Variants in PPP1R13L observed in about 807,000 individuals in gnomAD.
PPP1R13L encodes the protein relA-associated inhibitor.
A neutral mutation model predicts 80.9 loss-of-function variants in PPP1R13L; 50 were observed. That is an observed-to-expected ratio of 0.62 (90% confidence interval 0.49 to 0.78). The LOEUF is 0.78. Ranked by LOEUF, PPP1R13L falls within the 30% of genes least tolerant of loss-of-function variation. The pLI, the probability that PPP1R13L is intolerant of heterozygous loss-of-function variation, is 0.00. For missense variants in PPP1R13L, 1,200 were observed against 1,205.9 expected, an observed-to-expected ratio of 1.00 and a Z score of 0.07; for synonymous variants, 602 against 534.3, an observed-to-expected ratio of 1.13 and a Z score of -1.75.
Position 45,397,058 on chromosome 19 carries a change from G to A in PPP1R13L, c.199C>T (p.Pro67Ser). The change falls in exon 4 of 13, where the codon CCG becomes TCG. Residue 67 changes from proline (P) to serine (S), a missense_variant and splice_region_variant. Around this residue, in one of 5 missense-constraint regions of PPP1R13L, gnomAD observed 764 missense variants for 714.5 expected, o/e 1.07. Transcript: ENST00000360957. ...PGPQAGPPSR[P>S]PRYSSSSIPE... ...ATCGAGCTGGAGCTGTACCGGGGCG[G>A]CTGTGGGGAGGCCAGGGCATTGAGG... 1 of 1,309,984 alleles carries A rather than the reference G, an allele frequency of 7.6e-7. No individual in the cohort carries two copies. Among genetic ancestry groups the A allele is most frequent in the Non-Finnish European group, 9.7e-7 (1 of 1,030,088 alleles). The allele number at this position is 1,309,984 out of a possible 1,614,324, so 81.1% of individuals were successfully genotyped here.
At chr19:45,386,522 A>T (rs1972873466) in intron 8 of PPP1R13L, among the ~76,000 whole-genome samples, 1 of 152,204 alleles carries the variant, frequency 6.6e-6, no homozygotes, top group South Asian at 2.1e-4. Flanking sequence ...TCTTTTGTTA[A>T]TAATGAATGC....
At position 45,392,336 on chromosome 19, in the gene PPP1R13L, G is replaced by A; in HGVS notation, c.1359C>T (p.Pro453=). The A allele has an allele frequency of 4.3e-6, 7 of 1,613,122 alleles. No homozygotes were observed. Among genetic ancestry groups the A allele is most frequent in the Non-Finnish European group, 5.9e-6 (7 of 1,179,980 alleles). ...GCTCCAGCTCGGTGGGGGGTTTGGG[G>A]GGTCCTAGCCGGAACAAGAGCCCAT... ...QQTWPPVNEG[P]PKPPTELEPE... The change falls in exon 8 of 13, where the codon CCC becomes CCT. Residue 453 remains proline, a synonymous_variant. Transcript: ENST00000360957.
At chr19:45,401,092 A>T (rs1183261417) in intron 1 of PPP1R13L, among the ~76,000 whole-genome samples, 1 of 150,548 alleles carries the variant, frequency 6.6e-6, no homozygotes, top group Non-Finnish European at 1.5e-5. Flanking sequence ...CTAATTTTTT[A>T]AAAACATTTT....
At chr19:45,402,226 T>C (rs1973247266) in intron 1 of PPP1R13L, 1 of 152,156 alleles carries the variant, frequency 6.6e-6, no homozygotes, top group Non-Finnish European at 1.5e-5. Flanking sequence ...GCAGCCCTAA[T>C]GCCAGCTGTA....
intron 11 of PPP1R13L, among the ~76,000 whole-genome samples, chr19:45,384,254 C>T (rs1972822476): frequency 6.6e-6 from 1 of 151,338 alleles, no homozygotes. Flanking sequence ...GGCACAGTGG[C>T]TCACACCTAT....
chr19:45,398,568 CTTTCTTTTTTTCT>C (rs1973164166), intron 1 of PPP1R13L, among the ~76,000 whole-genome samples: 1 of 150,818 alleles, frequency 6.6e-6, no homozygotes, highest in African/African-American at 2.4e-5. Context: ...TTCACTTTCT[CTTTCTTTTTTTCT>C]TTTCTTTTTT....
intron 12 of PPP1R13L, among the ~76,000 whole-genome samples, chr19:45,381,306 C>T (rs1488223015): frequency 1.3e-5 from 2 of 151,606 alleles, no homozygotes; most frequent in African/African-American, 2.4e-5. Flanking sequence ...AGGAGATCCG[C>T]CCGCCTTGGC....
At chr19:45,397,498 C>CTTTCTT (rs1973135099) in intron 3 of PPP1R13L, among the ~76,000 whole-genome samples, 1 of 112,576 alleles carries the variant, frequency 8.9e-6, no homozygotes, top group South Asian at 2.9e-4. Flanking sequence ...TTCTTTCTTT[C>CTTTCTT]TTTCTTTCTT....
At chr19:45,395,204 A>G in intron 7 of PPP1R13L, 1 of 568,880 alleles carries the variant, frequency 1.8e-6, no homozygotes, top group Non-Finnish European at 3.1e-6. Context: ...TGACTTGCCC[A>G]AGGTCACACA....
In PPP1R13L at chr19:45,396,245, C is replaced by G. The variant is rs1426536635; in HGVS notation, c.826G>C (p.Ala276Pro). ...TGCAGGCTCGGCGAGGCAGGCCTTGCGAAGACGTCCAGGCCTGCGGGGCGG... is the reference window on the plus strand; with the variant it reads ...TGCAGGCTCGGCGAGGCAGGCCTTGGGAAGACGTCCAGGCCTGCGGGGCGG... ...TASYERLDVF[A>P]RPASPSLQLL... Residue 276 changes from alanine (A) to proline (P), a missense_variant, in exon 6 of 13, where the codon GCA (alanine) becomes CCA (proline). Around this residue, in one of 5 missense-constraint regions of PPP1R13L, gnomAD observed 764 missense variants for 714.5 expected, o/e 1.07. Coordinates refer to ENST00000360957, the MANE Select transcript of PPP1R13L (RefSeq NM_006663.4). This position sits in a 1 kb window ranked among gnomAD's most constrained non-coding sequence, Gnocchi z 5.3. 6.2e-7 allele frequency: 1 copy of G among 1,610,224 alleles called. No individual in the cohort carries two copies. Among genetic ancestry groups the G allele is most frequent in the Non-Finnish European group, 8.5e-7 (1 of 1,179,372 alleles).
At chr19:45,382,163 GC>G (rs1309808906) in intron 12 of PPP1R13L, among the ~76,000 whole-genome samples, 1 of 152,064 alleles carries the variant, frequency 6.6e-6, no homozygotes, top group African/African-American at 2.4e-5. Flanking sequence ...GGTGGGGGGG[GC>G]CCGAGGTTGC....
chr19:45,389,494 T>C (rs991431353), intron 8 of PPP1R13L, among the ~76,000 whole-genome samples: 14 of 152,182 alleles, frequency 9.2e-5, no homozygotes, highest in African/African-American at 3.1e-4. Context: ...GTGCCAGGTA[T>C]TATGCTAAGC....
chr19:45,385,729 C>T lies in PPP1R13L; in HGVS notation c.2082-1G>A. 2 of 1,609,318 alleles carry T rather than the reference C, an allele frequency of 1.2e-6. No individual in the cohort carries two copies. Among genetic ancestry groups the T allele is most frequent in the East Asian group, 4.5e-5 (2 of 44,748 alleles). On this transcript the variant is annotated splice_acceptor_variant, in intron 10 of 12. Coordinates refer to ENST00000360957, the MANE Select transcript of PPP1R13L (RefSeq NM_006663.4). LOFTEE classifies it high-confidence loss of function. ...CGACGCCGCGCAGTGCAAGGGTGTC[C>T]TAGGCGTGGGGGTGGGGGGTTGCGG...
In PPP1R13L at chr19:45,380,182, C is replaced by T; in HGVS notation, c.*8G>A. The T allele has an allele frequency of 6.2e-7, 1 of 1,613,984 alleles. No individual in the cohort carries two copies. ...TTCTGTCAGCCTCAGAAACCTCCTT[C>T]TATCCTGCTAGACTTTACTCCTTTG... On this transcript the variant is annotated 3_prime_UTR_variant, in exon 13 of 13. Transcript: ENST00000360957.
chr19:45,396,505 C>G lies in PPP1R13L; in HGVS notation c.712+40G>C. ...AGCCCCGGATCCTGCCCGCTTTGAC[C>G]CCGCGAGTCAAAGGCCCCGCGAGGG... On this transcript the variant is annotated intron_variant, in intron 4 of 12. Transcript: ENST00000360957. The surrounding 1 kb of genome is among the most constrained non-coding windows in gnomAD (Gnocchi z 5.3). The G allele has an allele frequency of 6.2e-7, 1 of 1,604,514 alleles. No homozygotes were observed. The highest frequency in any genetic ancestry group is 8.5e-7 in the Non-Finnish European group (1 of 1,176,350).
Position 45,382,587 on chromosome 19 carries a change from G to C in PPP1R13L, c.2388C>G (p.Thr796=), listed in dbSNP as rs774399244. The change falls in exon 12 of 13, where the codon ACC becomes ACG. Residue 796 remains threonine (T), a synonymous_variant. Transcript: ENST00000360957. ...CGTGCAGCGCGGCCCACCACCAGTCGGTCTCCTCCGGCCCGTCCCTCCGCA... is the reference window on the plus strand; with the variant it reads ...CGTGCAGCGCGGCCCACCACCAGTCCGTCTCCTCCGGCCCGTCCCTCCGCA... ...TVLRRDGPEE[T]DWWWAALHGQ... The C allele has an allele frequency of 1.6e-5, 26 of 1,613,398 alleles. No individual in the cohort carries two copies. In the East Asian group the frequency reaches 4.5e-4, roughly 28 times the overall value.
chr19:45,401,868 G>C (rs1336684626), intron 1 of PPP1R13L: 2 of 152,102 alleles, frequency 1.3e-5, no homozygotes, highest in South Asian at 2.1e-4. Context: ...GGGAGGCCGA[G>C]GGGGGAGGAT....
rs1332201641 is a variant in PPP1R13L, at chr19:45,399,494, GA to G, written c.-21-1156del. Among the ~76,000 whole-genome samples the G allele has an allele frequency of 4.8e-4, 73 of 150,798 alleles. 1 individual carries two copies. The highest frequency in any genetic ancestry group is 2.3e-3 in the Admixed American group (35 of 15,054). ...CAAAAATTAGCCAGGCGTGGTGATGGACGCCTGTAGTCCCAGCTACTCGGGA... is the reference window on the plus strand; with the variant it reads ...CAAAAATTAGCCAGGCGTGGTGATGGCGCCTGTAGTCCCAGCTACTCGGGA... On this transcript the variant is annotated intron_variant, in intron 1 of 12. Coordinates refer to ENST00000360957, the MANE Select transcript of PPP1R13L (RefSeq NM_006663.4).
chr19:45,389,777 A>T (rs1472636293), intron 8 of PPP1R13L, among the ~76,000 whole-genome samples: 1 of 151,846 alleles, frequency 6.6e-6, no homozygotes. Context: ...ACTTGTTTTT[A>T]TTTATTTATT....
Sources: allele counts gnomAD v4.1 joint callset (sites outside exome capture counted in the v4.1 genomes callset), GRCh38; gene constraint gnomAD v4.1.1; regional missense constraint gnomAD v4.1.1; non-coding constraint Gnocchi (gnomAD v3.1); transcripts MANE v1.5; gene names NCBI Gene and HGNC (gene_info 2026-07-23, HGNC 2026-07-21).